CHST13: variants seen among roughly 807,000 people sequenced by gnomAD.
The protein encoded by CHST13 is carbohydrate sulfotransferase 13.
In CHST13, 1 loss-of-function variant was observed where a neutral mutation model predicts 7.0. That is an observed-to-expected ratio of 0.14 (90% confidence interval 0.05 to 0.68). CHST13 has a LOEUF of 0.68. Ranked by LOEUF, CHST13 falls within the 30% of genes least tolerant of loss-of-function variation. CHST13 has a pLI of 0.82. For missense variants in CHST13, 572 were observed against 507.9 expected (o/e 1.13, Z -1.21); for synonymous variants, 257 against 240.9 (o/e 1.07, Z -0.62).
rs1221165362 is a variant in CHST13 at position 126,543,162 on chromosome 3, C to G, written c.*584C>G. On this transcript the variant is annotated 3_prime_UTR_variant, in exon 3 of 3. Coordinates refer to ENST00000319340, the MANE Select transcript of CHST13 (RefSeq NM_152889.3). ...CCCAGGCGCCACCTTCGGTCTCAGT[C>G]TGGCAAGACGCTGGGTCTTCAGGCT... 1 of 151,046 alleles carries G rather than the reference C, an allele frequency of 6.6e-6. No homozygotes were observed. Among genetic ancestry groups the G allele is most frequent in the Non-Finnish European group, 1.5e-5 (1 of 68,070 alleles). The allele number at this position is 151,046 out of a possible 1,614,324, so 9.4% of individuals were successfully genotyped here. A position where few individuals can be genotyped will look rare whatever the true frequency, so the allele number is the denominator to read the frequency against.
intron 1 of CHST13, chr3:126,527,561 C>T (rs73859516): frequency 0.074 from 11,237 of 152,450 alleles, 1,140 homozygotes; most frequent in African/African-American, 0.23. Flanking sequence ...GTCTCTGAGC[C>T]AGTCAGGTGG....
intron 1 of CHST13, among the ~76,000 whole-genome samples, chr3:126,534,643 C>A (rs999313920): frequency 6.7e-6 from 1 of 148,428 alleles, no homozygotes; most frequent in Non-Finnish European, 1.5e-5. Context: ...TGTCCTCAGC[C>A]GGGAGACAGA....
chr3:126,536,585 C>T (rs1412023819), intron 2 of CHST13, among the ~76,000 whole-genome samples: 1 of 152,060 alleles, frequency 6.6e-6, no homozygotes, highest in Non-Finnish European at 1.5e-5. Flanking sequence ...CAATCTGAGG[C>T]CAGGCATAGT....
At chr3:126,527,728 T>C (rs1455262024) in intron 1 of CHST13, 2 of 152,272 alleles carry the variant, frequency 1.3e-5, no homozygotes, top group Non-Finnish European at 2.9e-5. Flanking sequence ...AAGTGGCTGC[T>C]GGAGCCAAAT....
chr3:126,533,160 G>T (rs141794704), intron 1 of CHST13, among the ~76,000 whole-genome samples: 2 of 151,852 alleles, frequency 1.3e-5, no homozygotes, highest in Admixed American at 6.6e-5. Context: ...ATATATATAC[G>T]GTTATGTCAT....
At chr3:126,524,773 C>T (rs867364531) in intron 1 of CHST13, among the ~76,000 whole-genome samples, 4 of 152,328 alleles carry the variant, frequency 2.6e-5, no homozygotes, top group African/African-American at 9.6e-5. Flanking sequence ...TTCCCCTGCG[C>T]ACCCCACGGC....
chr3:126,542,337 A>G lies in CHST13; in HGVS notation c.785A>G (p.Asp262Gly), dbSNP rs1345498837. 6.4e-7 allele frequency: 1 copy of G among 1,566,410 alleles called. No homozygotes were observed. Among genetic ancestry groups the G allele is most frequent in the Non-Finnish European group, 8.6e-7 (1 of 1,158,422 alleles). ...TGCCACCCGTGTCGCCTCCGCTACG[A>G]CGTCGTGGGCAAGTTCGAGACGCTG... Reference protein sequence around the residue: ...ALCHPCRLRYDVVGKFETLAE... With the variant: ...ALCHPCRLRYGVVGKFETLAE... The change falls in exon 3 of 3, where the codon GAC becomes GGC. Residue 262 changes from aspartate to glycine, a missense_variant. Physicochemically the swap from Asp to Gly is moderately conservative, Grantham distance 94. Transcript: ENST00000319340.
intron 1 of CHST13, among the ~76,000 whole-genome samples, chr3:126,534,023 C>A (rs1264828152): frequency 6.6e-6 from 1 of 152,128 alleles, no homozygotes; most frequent in African/African-American, 2.4e-5. Flanking sequence ...GTTCAGAGTT[C>A]TCTTGTAATC....
At chr3:126,526,132 A>G (rs1392829293) in intron 1 of CHST13, among the ~76,000 whole-genome samples, 5 of 152,216 alleles carry the variant, frequency 3.3e-5, no homozygotes, top group Non-Finnish European at 5.9e-5. Flanking sequence ...TTTGTGAGTG[A>G]CCTTGGGCGA....
At position 126,524,266 on chromosome 3, in the gene CHST13, T is replaced by C. The variant is rs538139917; in HGVS notation, c.-67T>C. On this transcript the variant is annotated 5_prime_UTR_variant, in exon 1 of 3. Coordinates refer to ENST00000319340, the MANE Select transcript of CHST13 (RefSeq NM_152889.3). ...GCGCTGCGCTGCCGGGGCCGGGTCC[T>C]GGGCCAGTGCAACTCCGCCCCCAGC... 2.0e-4 allele frequency: 231 copies of C among 1,176,250 alleles called. No homozygotes were observed. The highest frequency in any genetic ancestry group is 2.2e-4 in the Non-Finnish European group (212 of 944,220). 72.9% of individuals were successfully genotyped at this position (1,176,250 alleles called of 1,614,324 possible).
rs1043520265 is a variant in CHST13, at chr3:126,542,631, C to T, written c.*53C>T. 1.4e-6 allele frequency: 2 copies of T among 1,419,024 alleles called. No homozygotes were observed. The highest frequency in any genetic ancestry group is 2.9e-5 in the East Asian group (1 of 34,466). 87.9% of individuals were successfully genotyped at this position (1,419,024 alleles called of 1,614,324 possible). On this transcript the variant is annotated 3_prime_UTR_variant, in exon 3 of 3. Coordinates refer to ENST00000319340, the MANE Select transcript of CHST13 (RefSeq NM_152889.3). ...GGGCAAGTGCCTTTCCGACAAGACC[C>T]CCGGGGAATGCAGGTGCTGCCGGCC...
chr3:126,529,439 T>C, intron 1 of CHST13: 1 of 1,265,744 alleles, frequency 7.9e-7, no homozygotes, highest in South Asian at 1.3e-5. Context: ...GCAGCATGGG[T>C]GTTAAGGGTG....
At position 126,536,832 on chromosome 3, in the gene CHST13, T is replaced by C. The variant is rs79773047; in HGVS notation, c.180+479T>C. Among the ~76,000 whole-genome samples the C allele has an allele frequency of 4.8e-3, 714 of 150,304 alleles. 5 individuals are homozygous for C. Among genetic ancestry groups the C allele is most frequent in the African/African-American group, 0.017 (693 of 40,836 alleles). ...ACAACCCCAAATACACACATACAAC[T>C]GTACCCCACCACCAAGAACCCCACA... On this transcript the variant is annotated intron_variant, in intron 2 of 2. Coordinates refer to ENST00000319340, the MANE Select transcript of CHST13 (RefSeq NM_152889.3).
Position 126,541,787 on chromosome 3 carries a change from A to G in CHST13, c.235A>G (p.Ser79Gly), listed in dbSNP as rs12495696. 0.054 allele frequency: 82,457 copies of G among 1,538,702 alleles called. 2,783 individuals are homozygous for G. Among genetic ancestry groups the G allele is most frequent in the South Asian group, 0.14 (11,220 of 82,748 alleles). The change falls in exon 3 of 3, where the codon AGC becomes GGC. Residue 79 changes from serine (S) to glycine (G), a missense_variant. Physicochemically the swap from Ser to Gly is moderately conservative, Grantham distance 56. Transcript: ENST00000319340. ...VHRQRRDLLN[S>G]ACSRHSRRQR... ...CCGGCAGCGGCGCGACCTGCTGAAC[A>G]GCGCCTGTAGCCGCCACTCACGCCG...
In CHST13 at chr3:126,540,957, A is replaced by G. The variant is rs113058154; in HGVS notation, c.181-776A>G. On this transcript the variant is annotated intron_variant, in intron 2 of 2. Transcript: ENST00000319340. The stretch of plus-strand genomic sequence containing the variant: ...TCTTTTATGAACTCTTACACAAAAA[A>G]TCATAGGCAGGGGTGTTAATCTTGG... Among the ~76,000 whole-genome samples the G allele has an allele frequency of 1.6e-3, 238 of 152,352 alleles. 1 individual carries two copies. Among genetic ancestry groups the G allele is most frequent in the African/African-American group, 5.5e-3 (227 of 41,586 alleles).
Position 126,536,252 on chromosome 3 carries a change from T to G in CHST13, c.98-19T>G, listed in dbSNP as rs139259499. 254 of 1,611,520 alleles carry G rather than the reference T, an allele frequency of 1.6e-4. 1 individual carries two copies. The East Asian group carries it at 5.5e-3, about 35-fold the overall frequency. The stretch of plus-strand genomic sequence containing the variant: ...GTCCCTCTGATATGGTGGCGACATC[T>G]CTCTCCTTATGCCCACAGCATTTGG... On this transcript the variant is annotated intron_variant, in intron 1 of 2. Coordinates refer to ENST00000319340, the MANE Select transcript of CHST13 (RefSeq NM_152889.3).
intron 1 of CHST13, among the ~76,000 whole-genome samples, chr3:126,526,559 C>T (rs1363527373): frequency 3.9e-5 from 6 of 152,174 alleles, no homozygotes; most frequent in African/African-American, 9.7e-5. Context: ...GAGGTGCTGC[C>T]GTAAGTTGGG....
rs1296361617 is a variant in CHST13 at position 126,542,604 on chromosome 3, C to T, written c.*26C>T. On this transcript the variant is annotated 3_prime_UTR_variant, in exon 3 of 3. Transcript: ENST00000319340. ...CGGTCCTGGAGGTCCTGTGGCCACG[C>T]GGGGCAAGTGCCTTTCCGACAAGAC... is the stretch of plus-strand genomic sequence containing the variant. 33 of 1,447,856 alleles carry T rather than the reference C, an allele frequency of 2.3e-5. No homozygotes were observed. Among genetic ancestry groups the T allele is most frequent in the South Asian group, 3.0e-5 (2 of 66,432 alleles). 89.7% of individuals were successfully genotyped at this position (1,447,856 alleles called of 1,614,324 possible). A position where few individuals can be genotyped will look rare whatever the true frequency, so the allele number is the denominator to read the frequency against.
Position 126,542,629 on chromosome 3 carries a change from C to A in CHST13, c.*51C>A. The A allele has an allele frequency of 7.0e-7, 1 of 1,419,934 alleles. No individual in the cohort carries two copies. Among genetic ancestry groups the A allele is most frequent in the Non-Finnish European group, 9.2e-7 (1 of 1,087,018 alleles). The allele number at this position is 1,419,934 out of a possible 1,614,324, so 88.0% of individuals were successfully genotyped here. ...CGGGGCAAGTGCCTTTCCGACAAGA[C>A]CCCCGGGGAATGCAGGTGCTGCCGG... On this transcript the variant is annotated 3_prime_UTR_variant, in exon 3 of 3. Coordinates refer to ENST00000319340, the MANE Select transcript of CHST13 (RefSeq NM_152889.3).
Sources: gnomAD v4.1 joint callset for allele counts (sites outside exome capture counted in the v4.1 genomes callset) on GRCh38, gnomAD v4.1.1 for gene constraint, MANE v1.5 for transcripts, NCBI Gene and HGNC (gene_info 2026-07-23, HGNC 2026-07-21) for gene names.